The following DGKD variants were observed in gnomAD, a reference collection of about 807,000 sequenced individuals.
The protein encoded by DGKD is DAG kinase delta.
A neutral mutation model predicts 154.4 loss-of-function variants in DGKD; 68 were observed. The ratio of observed to expected loss-of-function variants is 0.44; its 90% confidence interval spans 0.36 to 0.54. DGKD has a LOEUF of 0.54. Among genes scored for constraint, DGKD ranks in the 20% least tolerant of loss-of-function variants. The pLI, the probability that DGKD is intolerant of heterozygous loss-of-function variation, is 0.00. For missense variants in DGKD, 1,343 were observed against 1,593.6 expected, an observed-to-expected ratio of 0.84 and a Z score of 2.68; for synonymous variants, 693 against 638.0, an observed-to-expected ratio of 1.09 and a Z score of -1.30.
rs1333584782 is a variant in DGKD, at chr2:233,355,142, CT to C, written c.156+469del. Among the ~76,000 whole-genome samples, 3 of 152,084 alleles carry C rather than the reference CT, an allele frequency of 2.0e-5. 1 individual carries two copies. In the East Asian group the frequency reaches 5.8e-4, roughly 29 times the overall value. ...TCCCGCGAGTGCCCTGCAGACTTCC[CT>C]GTGGTGCCCTCAGAAGTCCGCTCGG... On this transcript the variant is annotated intron_variant, in intron 1 of 29. Coordinates refer to ENST00000264057, the MANE Select transcript of DGKD (RefSeq NM_152879.3).
intron 19 of DGKD, 76 bp from the exon 20 acceptor site, chr2:233,456,823 G>C (rs1575160516): frequency 1.8e-6 from 2 of 1,136,070 alleles, no homozygotes; most frequent in Non-Finnish European, 2.6e-6. Context: ...GCTGTTCCCA[G>C]CTTTCACAGA....
chr2:233,389,007 A>T (rs1250142429), intron 2 of DGKD: 1 of 152,386 alleles, frequency 6.6e-6, no homozygotes, highest in Non-Finnish European at 1.5e-5. Context: ...TCTGCCTCCC[A>T]AAGTGCTGGG....
At chr2:233,382,236 A>G (rs1007940921) in intron 1 of DGKD, among the ~76,000 whole-genome samples, 16 of 152,224 alleles carry the variant, frequency 1.1e-4, no homozygotes, top group African/African-American at 3.1e-4. Context: ...TCTGTCTCAG[A>G]AAACAAACAA....
chr2:233,456,950 G>A lies in DGKD; in HGVS notation c.2427G>A (p.Leu809=), dbSNP rs770053366. ...MWYGVLGTKE[L]LHRTYKNLEQ... Reference sequence around the variant, plus strand: ...ATGGAGTTCTTGGAACCAAAGAGTTGCTGCACAGAACCTACAAGAACCTGG... The same window carrying A: ...ATGGAGTTCTTGGAACCAAAGAGTTACTGCACAGAACCTACAAGAACCTGG... The change falls in exon 20 of 30, where the codon TTG becomes TTA. Residue 809 remains leucine (L), a synonymous_variant. Transcript: ENST00000264057. 33 of 1,614,178 alleles carry A rather than the reference G, an allele frequency of 2.0e-5. No homozygotes were observed. The highest frequency in any genetic ancestry group is 2.7e-5 in the Non-Finnish European group (32 of 1,180,020).
At position 233,441,988 on chromosome 2, in the gene DGKD, A is replaced by C. The variant is rs556674317; in HGVS notation, c.1187A>C (p.His396Pro). 1 of 1,614,026 alleles carries C rather than the reference A, an allele frequency of 6.2e-7. No homozygotes were observed. Among genetic ancestry groups the C allele is most frequent in the Non-Finnish European group, 8.5e-7 (1 of 1,180,006 alleles). The change falls in exon 10 of 30, where the codon CAT (histidine) becomes CCT (proline). Residue 396 changes from histidine (H) to proline (P), a missense_variant. Transcript: ENST00000264057. This position sits in a 1 kb window ranked among gnomAD's most constrained non-coding sequence, Gnocchi z 5.6. ...TCCGAAATCGACAGCCTCAACCTTC[A>C]TAAACAGGTACCAGGACAGGAGGGA... is the stretch of plus-strand genomic sequence containing the variant. ...VLSEIDSLNL[H>P]KQCQLGVLPL...
At chr2:233,363,295 T>C (rs1036441493) in intron 1 of DGKD, among the ~76,000 whole-genome samples, 5 of 150,108 alleles carry the variant, frequency 3.3e-5, no homozygotes, top group African/African-American at 1.2e-4. Flanking sequence ...CTAATGTGTG[T>C]GTTTGTTTCT....
At chr2:233,388,153 T>TAA in intron 1 of DGKD, 104 bp from the exon 2 acceptor site, 2 of 1,552,252 alleles carry the variant, frequency 1.3e-6, no homozygotes, top group Non-Finnish European at 1.7e-6. Context: ...TATTTTCTGT[T>TAA]AGAGACACGA....
At chr2:233,365,246 T>G (rs567641320) in intron 1 of DGKD, among the ~76,000 whole-genome samples, 4 of 152,028 alleles carry the variant, frequency 2.6e-5, no homozygotes, top group African/African-American at 4.8e-5. Flanking sequence ...TTTTTTTTTT[T>G]GGGAGACGGA....
chr2:233,450,272 G>T (rs1003246275), intron 16 of DGKD, 141 bp downstream of exon 16: 1 of 1,137,624 alleles, frequency 8.8e-7, no homozygotes, highest in Non-Finnish European at 1.2e-6. Flanking sequence ...AGCGCCCAAG[G>T]CCTGTTTCTG....
intron 3 of DGKD, among the ~76,000 whole-genome samples, chr2:233,407,374 A>C (rs2061711706): frequency 6.6e-6 from 1 of 152,264 alleles, no homozygotes; most frequent in Non-Finnish European, 1.5e-5. Flanking sequence ...GGAAAAATAA[A>C]AGTTAAGGGA....
At position 233,452,640 on chromosome 2, in the gene DGKD, C is replaced by T. The variant is rs2063331406; in HGVS notation, c.2264+580C>T. ...GTGCCTGCGTGCTGATACTGCTACTCCTTGGGGGACAAGGCCTTCTTCCTC... is the reference window on the plus strand; with the variant it reads ...GTGCCTGCGTGCTGATACTGCTACTTCTTGGGGGACAAGGCCTTCTTCCTC... On this transcript the variant is annotated intron_variant, in intron 18 of 29. Transcript: ENST00000264057. This position sits in a 1 kb window ranked among gnomAD's most constrained non-coding sequence, Gnocchi z 4.0. Among the ~76,000 whole-genome samples the T allele has an allele frequency of 6.6e-6, 1 of 152,176 alleles. No individual in the cohort carries two copies. Among genetic ancestry groups the T allele is most frequent in the African/African-American group, 2.4e-5 (1 of 41,444 alleles).
intron 1 of DGKD, among the ~76,000 whole-genome samples, chr2:233,355,862 A>G (rs937995054): frequency 1.3e-5 from 2 of 152,258 alleles, no homozygotes; most frequent in South Asian, 2.1e-4. Flanking sequence ...TGAGAACCCA[A>G]TAAGTTGGAT....
intron 1 of DGKD, among the ~76,000 whole-genome samples, chr2:233,380,802 C>A (rs527696510): frequency 6.6e-6 from 1 of 152,274 alleles, no homozygotes; most frequent in East Asian, 1.9e-4. Flanking sequence ...GGGGTTTGGG[C>A]ATACACATCG....
At chr2:233,466,648 G>C (rs2063831973) in intron 27 of DGKD, among the ~76,000 whole-genome samples, 1 of 152,106 alleles carries the variant, frequency 6.6e-6, no homozygotes, top group South Asian at 2.1e-4. Flanking sequence ...CTCAGGGAGT[G>C]GATCGCAAGG....
intron 1 of DGKD, among the ~76,000 whole-genome samples, chr2:233,375,472 G>A (rs935570701): frequency 6.6e-6 from 1 of 152,128 alleles, no homozygotes; most frequent in African/African-American, 2.4e-5. Context: ...TTCTCCAAAT[G>A]TCAGAAAACA....
chr2:233,462,588 TAA>T, intron 25 of DGKD, 53 bp from the exon 26 acceptor site: 1 of 1,572,394 alleles, frequency 6.4e-7, no homozygotes, highest in Non-Finnish European at 8.7e-7. Context: ...TCCCTGCCCC[TAA>T]CCGTGCATGT....
In DGKD at chr2:233,469,448, C is replaced by T. The variant is rs754814828; in HGVS notation, c.3633C>T (p.Ala1211=). The stretch of plus-strand genomic sequence containing the variant: ...AGGAGCTGAGCCGCAGCGCCCCCGC[C>T]GTCGAGGCCTAGCCTCTGTCCTCTC... ...GIKELSRSAP[A]VEA is the part of the protein sequence containing the mutation. The change falls in exon 30 of 30, where the codon GCC becomes GCT. Residue 1211 remains alanine (A), a synonymous_variant. Transcript: ENST00000264057. 17 of 1,601,478 alleles carry T rather than the reference C, an allele frequency of 1.1e-5. No individual in the cohort carries two copies. Among genetic ancestry groups the T allele is most frequent in the South Asian group, 1.0e-4 (9 of 88,880 alleles).
Position 233,450,149 on chromosome 2 carries a change from T to A in DGKD, c.2038+18T>A. On this transcript the variant is annotated intron_variant, in intron 16 of 29. Coordinates refer to ENST00000264057, the MANE Select transcript of DGKD (RefSeq NM_152879.3). ...GCGCAAAGGTACTTGTGCCTCCACCTCCCTCTGCGCACCGTCGTGTGCTTG... is the reference window on the plus strand; with the variant it reads ...GCGCAAAGGTACTTGTGCCTCCACCACCCTCTGCGCACCGTCGTGTGCTTG... The A allele has an allele frequency of 1.9e-6, 3 of 1,597,232 alleles. No homozygotes were observed. The highest frequency in any genetic ancestry group is 2.6e-6 in the Non-Finnish European group (3 of 1,170,126).
intron 27 of DGKD, among the ~76,000 whole-genome samples, chr2:233,465,995 C>T (rs1323717096): frequency 2.0e-5 from 3 of 152,018 alleles, no homozygotes; most frequent in African/African-American, 7.3e-5. Context: ...TGGTAAAATA[C>T]AATAATTGTT....
Sources: allele counts gnomAD v4.1 joint callset (sites outside exome capture counted in the v4.1 genomes callset), GRCh38; gene constraint gnomAD v4.1.1; non-coding constraint Gnocchi (gnomAD v3.1); transcripts MANE v1.5; gene names NCBI Gene and HGNC (gene_info 2026-07-23, HGNC 2026-07-21).